RBFOX1: variants seen among roughly 807,000 people sequenced by gnomAD.
RBFOX1 encodes RNA binding protein fox-1 homolog 1.
In RBFOX1, 8 loss-of-function variants were observed where a neutral mutation model predicts 57.7. The ratio of observed to expected loss-of-function variants is 0.14; its 90% CI spans 0.08 to 0.25. The LOEUF (loss-of-function observed/expected upper bound fraction) is 0.25, where lower values mean the gene tolerates loss of function less well. RBFOX1 is among the 10% of genes least tolerant of loss of function. The pLI is 1.00. For missense variants in RBFOX1, 611 were observed against 548.5 expected (o/e 1.11, Z -1.14); for synonymous variants, 326 against 222.4 (o/e 1.47, Z -4.15).
At chr16:5,783,341 T>C (rs1254671592) in intron 3 of RBFOX1, among the ~76,000 whole-genome samples, 1 of 152,240 alleles carries the variant, frequency 6.6e-6, no homozygotes, top group East Asian at 1.9e-4. Flanking sequence ...TTTGTACCAA[T>C]CTGTGGTAAC....
chr16:7,450,109 G>C (rs965438778), intron 4 of RBFOX1, among the ~76,000 whole-genome samples: 1 of 151,992 alleles, frequency 6.6e-6, no homozygotes, highest in African/African-American at 2.4e-5. Flanking sequence ...TAAAAGGAGA[G>C]ACTTGGCCGA....
At chr16:5,788,060 T>C (rs1350915957) in intron 3 of RBFOX1, among the ~76,000 whole-genome samples, 1 of 152,104 alleles carries the variant, frequency 6.6e-6, no homozygotes, top group East Asian at 1.9e-4. Context: ...ATGATTGACT[T>C]GTAGGGGTGT....
chr16:7,531,792 TATG>T (rs1225237204), intron 5 of RBFOX1, among the ~76,000 whole-genome samples: 2 of 152,210 alleles, frequency 1.3e-5, no homozygotes, highest in Non-Finnish European at 2.9e-5. Flanking sequence ...CTATTTCAAT[TATG>T]ATAATATCAT....
chr16:6,957,116 T>TTATTTATTTATTTATTTATTTA (rs1555677707), intron 3 of RBFOX1, among the ~76,000 whole-genome samples: 5 of 139,252 alleles, frequency 3.6e-5, no homozygotes, highest in African/African-American at 1.4e-4. Context: ...TTATTTTTAT[T>TTATTTATTTATTTATTTATTTA]TTTATTTATT....
intron 4 of RBFOX1, among the ~76,000 whole-genome samples, chr16:5,926,263 G>A (rs74006513): frequency 0.011 from 1,625 of 152,266 alleles, 24 homozygotes; most frequent in African/African-American, 0.036. Flanking sequence ...TGAGTCTCCT[G>A]CCTGCATTCA....
intron 3 of RBFOX1, among the ~76,000 whole-genome samples, chr16:5,642,085 A>G (rs930054352): frequency 1.3e-5 from 2 of 152,152 alleles, no homozygotes; most frequent in African/African-American, 4.8e-5. Context: ...ACTTAGGGAA[A>G]GTCACTGAGG....
At position 7,436,914 on chromosome 16, in the gene RBFOX1, AT is replaced by A. The variant is rs551203766; in HGVS notation, c.28-81232del. The stretch of plus-strand genomic sequence containing the variant: ...CCATCACTACTAAAAATACAAAAAA[AT>A]AAATAAATAAATAAAAATAGCTGGT... On this transcript the variant is annotated intron_variant, in intron 4 of 15. Coordinates refer to ENST00000550418, the MANE Select transcript of RBFOX1 (RefSeq NM_018723.4). Among the ~76,000 whole-genome samples, 421 of 152,278 alleles carry A rather than the reference AT, an allele frequency of 2.8e-3. 6 individuals carry two copies. The highest frequency in any genetic ancestry group is 0.024 in the Admixed American group (369 of 15,298).
intron 4 of RBFOX1, among the ~76,000 whole-genome samples, chr16:7,510,577 C>T (rs1024877058): frequency 6.6e-6 from 1 of 152,048 alleles, no homozygotes; most frequent in Non-Finnish European, 1.5e-5. Context: ...ATCTTAGAAC[C>T]AGCAGGTTAA....
At chr16:7,013,251 C>G (rs758926048) in intron 3 of RBFOX1, among the ~76,000 whole-genome samples, 4 of 152,114 alleles carry the variant, frequency 2.6e-5, no homozygotes, top group Admixed American at 6.6e-5. Flanking sequence ...TGCTTGTAGT[C>G]CCTACTCACA....
intron 3 of RBFOX1, among the ~76,000 whole-genome samples, chr16:6,910,255 G>A (rs2153430605): frequency 6.6e-6 from 1 of 152,212 alleles, no homozygotes; most frequent in South Asian, 2.1e-4. Context: ...TGCAGTTCAG[G>A]CATTTTCTCC....
intron 1 of RBFOX1, among the ~76,000 whole-genome samples, chr16:5,392,990 T>G (rs369276449): frequency 2.0e-5 from 3 of 152,220 alleles, no homozygotes; most frequent in Non-Finnish European, 2.9e-5. Context: ...TTGAGTGGGA[T>G]GTGGTACCCC....
At chr16:5,367,241 G>C (rs2065742331) in intron 1 of RBFOX1, among the ~76,000 whole-genome samples, 1 of 152,204 alleles carries the variant, frequency 6.6e-6, no homozygotes, top group Admixed American at 6.5e-5. Flanking sequence ...AAGGAAGATA[G>C]TTTCTGCACA....
At chr16:5,321,559 A>G (rs1451103371) in intron 1 of RBFOX1, among the ~76,000 whole-genome samples, 1 of 152,048 alleles carries the variant, frequency 6.6e-6, no homozygotes, top group Non-Finnish European at 1.5e-5. Context: ...TGACCTCGTG[A>G]TCCGCCCATG....
chr16:7,226,539 A>T (rs1177350209), intron 4 of RBFOX1, among the ~76,000 whole-genome samples: 1 of 152,206 alleles, frequency 6.6e-6, no homozygotes, highest in Non-Finnish European at 1.5e-5. Flanking sequence ...TGCCGTAACA[A>T]ATTCTCTCAA....
rs536282422 is a variant in RBFOX1, at chr16:6,869,483, TTA to T, written c.-15-182573_-15-182572del. On this transcript the variant is annotated intron_variant, in intron 3 of 15. Coordinates refer to ENST00000550418, the MANE Select transcript of RBFOX1 (RefSeq NM_018723.4). Reference sequence around the variant, plus strand: ...TACTGTCTTTTGAGGTTTTTTTTTTTTAATGTAAATGCCCTGAGTTTTTCAAC... The same window carrying T: ...TACTGTCTTTTGAGGTTTTTTTTTTTATGTAAATGCCCTGAGTTTTTCAAC... 3.8e-4 allele frequency among the ~76,000 whole-genome samples: 58 copies of T among 151,972 alleles called. 1 individual carries two copies. The South Asian group carries it at 0.012, about 31-fold the overall frequency.
intron 1 of RBFOX1, among the ~76,000 whole-genome samples, chr16:6,248,202 T>C (rs1430891593): frequency 6.6e-6 from 1 of 152,178 alleles, no homozygotes; most frequent in Non-Finnish European, 1.5e-5. Flanking sequence ...GAATAGGTTA[T>C]GTTTTTAATG....
Position 7,436,888 on chromosome 16 carries a change from C to G in RBFOX1, c.28-81259C>G, listed in dbSNP as rs1018334128. Reference sequence around the variant, plus strand: ...ACCAGCCTGGCAAATATGGCGAAGCCCCATCACTACTAAAAATACAAAAAA... The same window carrying G: ...ACCAGCCTGGCAAATATGGCGAAGCGCCATCACTACTAAAAATACAAAAAA... On this transcript the variant is annotated intron_variant, in intron 4 of 15. Transcript: ENST00000550418. Among the ~76,000 whole-genome samples, 13 of 152,092 alleles carry G rather than the reference C, an allele frequency of 8.5e-5. No individual in the cohort carries two copies. The South Asian group carries it at 2.7e-3, about 32-fold the overall frequency.
intron 3 of RBFOX1, among the ~76,000 whole-genome samples, chr16:6,858,045 C>T (rs2058231298): frequency 6.6e-6 from 1 of 152,164 alleles, no homozygotes; most frequent in Admixed American, 6.5e-5. Flanking sequence ...CACAAATGTT[C>T]ATCCCAAGAA....
intron 3 of RBFOX1, among the ~76,000 whole-genome samples, chr16:5,637,748 C>A (rs930652632): frequency 9.2e-5 from 14 of 152,088 alleles, no homozygotes; most frequent in Non-Finnish European, 1.6e-4. Context: ...ATCCAGGCAA[C>A]AGGAAGAGAG....
Sources: gnomAD v4.1 joint callset for allele counts (sites outside exome capture counted in the v4.1 genomes callset) on GRCh38, gnomAD v4.1.1 for gene constraint, MANE v1.5 for transcripts, NCBI Gene and HGNC (gene_info 2026-07-23, HGNC 2026-07-21) for gene names.